INPP4A: variants seen among roughly 807,000 people sequenced by gnomAD.
INPP4A encodes inositol polyphosphate-4-phosphatase, type I, 107kD.
INPP4A carries 33 observed loss-of-function variants against 119.8 expected under a neutral mutation model. The ratio of observed to expected loss-of-function variants is 0.28; its 90% confidence interval spans 0.21 to 0.37. The LOEUF is 0.37. Among genes scored for constraint, INPP4A ranks in the 10% least tolerant of loss-of-function variants. The pLI, the probability that INPP4A is intolerant of heterozygous loss-of-function variation, is 1.00. For missense variants in INPP4A, 956 were observed against 1,289.9 expected (o/e 0.74, Z 3.97); for synonymous variants, 496 against 500.7 (o/e 0.99, Z 0.12).
At position 98,537,069 on chromosome 2, in the gene INPP4A, G is replaced by A. The variant is rs970626100; in HGVS notation, c.468-794G>A. ...GGGTTAGAGTTAAATGTACAAAATA[G>A]ACATCATTCTTTTTAAAGGAGCTAA... is the stretch of plus-strand genomic sequence containing the variant. On this transcript the variant is annotated intron_variant, in intron 7 of 24. Coordinates refer to ENST00000409851, the MANE Select transcript of INPP4A (RefSeq NM_001134225.2). 6.6e-5 allele frequency among the ~76,000 whole-genome samples: 10 copies of A among 152,216 alleles called. 1 individual carries two copies. The highest frequency in any genetic ancestry group is 5.2e-4 in the Admixed American group (8 of 15,280).
intron 14 of INPP4A, among the ~76,000 whole-genome samples, chr2:98,553,527 C>G (rs1243049631): frequency 6.6e-6 from 1 of 152,032 alleles, no homozygotes; most frequent in African/African-American, 2.4e-5. Context: ...TACTTGGTCT[C>G]TCTCTCAGCG....
At chr2:98,450,109 T>C (rs1461073348) in intron 1 of INPP4A, among the ~76,000 whole-genome samples, 1 of 152,198 alleles carries the variant, frequency 6.6e-6, no homozygotes, top group Non-Finnish European at 1.5e-5. Context: ...TAATTTTTTT[T>C]TAAAGTCCTA....
chr2:98,553,053 A>G, intron 14 of INPP4A, 84 bp downstream of exon 14: 1 of 1,082,340 alleles, frequency 9.2e-7, no homozygotes, highest in South Asian at 1.6e-5. Context: ...TGTACCTAAG[A>G]TGGTCCACAA....
At chr2:98,524,117 A>G (rs562285769) in intron 4 of INPP4A, among the ~76,000 whole-genome samples, 3 of 152,314 alleles carry the variant, frequency 2.0e-5, no homozygotes, top group Admixed American at 6.5e-5. Context: ...GTTCTTCCCA[A>G]TCTGCCATTA....
At chr2:98,562,513 G>A (rs772683018) in intron 17 of INPP4A, among the ~76,000 whole-genome samples, 4 of 152,172 alleles carry the variant, frequency 2.6e-5, no homozygotes, top group African/African-American at 7.2e-5. Flanking sequence ...ATGGCCTGGC[G>A]CATTCTGTGG....
intron 1 of INPP4A, among the ~76,000 whole-genome samples, chr2:98,467,478 C>G (rs1435022692): frequency 6.6e-6 from 1 of 152,198 alleles, no homozygotes; most frequent in Admixed American, 6.5e-5. Flanking sequence ...GCTGTTAAGA[C>G]TGTGAAGCTG....
chr2:98,459,918 C>T (rs867783168), intron 1 of INPP4A, among the ~76,000 whole-genome samples: 6 of 152,232 alleles, frequency 3.9e-5, no homozygotes, highest in Non-Finnish European at 7.3e-5. Context: ...TGCACAGCTG[C>T]TGCCCCAGTA....
At chr2:98,532,389 T>C (rs1689401835) in intron 4 of INPP4A, among the ~76,000 whole-genome samples, 2 of 152,126 alleles carry the variant, frequency 1.3e-5, no homozygotes, top group South Asian at 4.1e-4. Flanking sequence ...TTAATACTTT[T>C]TTCTATTTTA....
chr2:98,558,666 C>T (rs369573081), intron 16 of INPP4A, among the ~76,000 whole-genome samples: 3 of 152,234 alleles, frequency 2.0e-5, no homozygotes, highest in African/African-American at 7.2e-5. Context: ...CTGAAAAGCT[C>T]AGACATAAAT....
At chr2:98,531,199 A>G (rs1300578035) in intron 4 of INPP4A, among the ~76,000 whole-genome samples, 3 of 152,228 alleles carry the variant, frequency 2.0e-5, no homozygotes, top group Non-Finnish European at 4.4e-5. Flanking sequence ...ACCTACTTAA[A>G]GAAACTTTAG....
chr2:98,517,790 T>C (rs1265015519), intron 1 of INPP4A, among the ~76,000 whole-genome samples: 7 of 152,252 alleles, frequency 4.6e-5, no homozygotes, highest in African/African-American at 1.7e-4. Flanking sequence ...TTCTATACTA[T>C]TGGCAAGAGT....
At chr2:98,475,983 G>C (rs1677127148) in intron 1 of INPP4A, among the ~76,000 whole-genome samples, 1 of 152,182 alleles carries the variant, frequency 6.6e-6, no homozygotes, top group Admixed American at 6.5e-5. Context: ...AGGTAATCCA[G>C]ATTTGATGCA....
intron 5 of INPP4A, 44 bp downstream of exon 5, chr2:98,533,539 C>T (rs894566277): frequency 8.8e-7 from 1 of 1,132,010 alleles, no homozygotes; most frequent in Non-Finnish European, 1.3e-6. Flanking sequence ...GGGACATGCT[C>T]TAGTGGTGTC....
At chr2:98,455,882 A>T (rs1252749928) in intron 1 of INPP4A, among the ~76,000 whole-genome samples, 1 of 152,210 alleles carries the variant, frequency 6.6e-6, no homozygotes, top group Non-Finnish European at 1.5e-5. Flanking sequence ...GTCAGTGGAG[A>T]GGGAAGCTGC....
At chr2:98,461,969 C>T (rs1697242970) in intron 1 of INPP4A, among the ~76,000 whole-genome samples, 1 of 152,216 alleles carries the variant, frequency 6.6e-6, no homozygotes, top group East Asian at 1.9e-4. Flanking sequence ...CCCCCTTGCT[C>T]TGAGGTCTGG....
intron 1 of INPP4A, among the ~76,000 whole-genome samples, chr2:98,511,486 A>G (rs747645326): frequency 2.0e-5 from 3 of 152,176 alleles, no homozygotes; most frequent in African/African-American, 4.8e-5. Context: ...CTGTGCAGGT[A>G]TAGAGAGCTG....
At chr2:98,567,110 G>A (rs1412892160) in intron 21 of INPP4A, among the ~76,000 whole-genome samples, 1 of 152,160 alleles carries the variant, frequency 6.6e-6, no homozygotes, top group Non-Finnish European at 1.5e-5. Flanking sequence ...TACATTTAAA[G>A]TAGGTCGTTT....
intron 24 of INPP4A, among the ~76,000 whole-genome samples, chr2:98,585,548 G>T (rs975534157): frequency 6.6e-6 from 1 of 152,224 alleles, no homozygotes; most frequent in Non-Finnish European, 1.5e-5. Context: ...CTTGGCCTCT[G>T]CAGCAGGAAA....
intron 24 of INPP4A, among the ~76,000 whole-genome samples, chr2:98,580,978 A>C (rs896654218): frequency 6.6e-6 from 1 of 152,222 alleles, no homozygotes; most frequent in Non-Finnish European, 1.5e-5. Context: ...GCAGTCGCTC[A>C]TGCCTGCCAC....
Sources: gnomAD v4.1 joint callset for allele counts (sites outside exome capture counted in the v4.1 genomes callset) on GRCh38, gnomAD v4.1.1 for gene constraint, MANE v1.5 for transcripts, NCBI Gene and HGNC (gene_info 2026-07-23, HGNC 2026-07-21) for gene names.